Variants in GOLGA6C observed in about 807,000 individuals in gnomAD.
The protein encoded by GOLGA6C is golgin A6 family member C, also known as golgin subfamily A member 6C.
In GOLGA6C, 3 loss-of-function variants were observed where a neutral mutation model predicts 57.5. The observed-to-expected ratio is 0.05, with a 90% confidence interval of 0.02 to 0.13. The LOEUF (loss-of-function observed/expected upper bound fraction) is 0.13, where lower values mean the gene tolerates loss of function less well. GOLGA6C is among the 10% of genes least tolerant of loss of function. The pLI, the probability that GOLGA6C is intolerant of heterozygous loss-of-function variation, is 1.00. For synonymous variants in GOLGA6C, 32 were observed against 203.8 expected, an observed-to-expected ratio of 0.16 and a Z score of 7.18; for missense variants, 88 against 525.6, an observed-to-expected ratio of 0.17 and a Z score of 8.14.
Position 75,269,940 on chromosome 15 carries a change from G to C in GOLGA6C, c.1909G>C (p.Gly637Arg). ...AQNPADEPTP[G>R]APAPQELGAA... is the part of the protein sequence containing the mutation. Reference sequence around the variant, plus strand: ...GAACCCTGCTGATGAGCCCACTCCAGGGGCCCCAGCCCCCCAGGAACTTGG... The same window carrying C: ...GAACCCTGCTGATGAGCCCACTCCACGGGCCCCAGCCCCCCAGGAACTTGG... The change falls in exon 17 of 18, where the codon GGG becomes CGG. Residue 637 changes from glycine (G) to arginine (R), a missense_variant. Gly to Arg is a moderately radical substitution (Grantham distance 125, BLOSUM62 -2). Coordinates refer to ENST00000300576, the MANE Select transcript of GOLGA6C (RefSeq NM_001164404.2). 2 of 1,523,198 alleles carry C rather than the reference G, an allele frequency of 1.3e-6. No individual in the cohort carries two copies. The highest frequency in any genetic ancestry group is 1.7e-6 in the Non-Finnish European group (2 of 1,143,204). The allele number at this position is 1,523,198 out of a possible 1,614,324, so 94.4% of individuals were successfully genotyped here. A position where few individuals can be genotyped will look rare whatever the true frequency, so the allele number is the denominator to read the frequency against.
chr15:75,266,026 T>C (rs2070760634), intron 10 of GOLGA6C, 79 bp from the exon 11 acceptor site: 1 of 1,557,638 alleles, frequency 6.4e-7, no homozygotes, highest in South Asian at 1.2e-5. Context: ...CAAGAGGAGG[T>C]TTTTTTTTTT....
chr15:75,260,631 C>A lies in GOLGA6C; in HGVS notation c.204+139C>A, dbSNP rs536681730. The A allele has an allele frequency of 2.5e-5, 26 of 1,054,062 alleles. No individual in the cohort carries two copies. In the East Asian group the frequency reaches 6.7e-4, roughly 27 times the overall value. 65.3% of individuals were successfully genotyped at this position (1,054,062 alleles called of 1,614,324 possible). On this transcript the variant is annotated intron_variant, in intron 2 of 17. Coordinates refer to ENST00000300576, the MANE Select transcript of GOLGA6C (RefSeq NM_001164404.2). ...CATCTGCTAGCGATCTGATTTATGG[C>A]AAGTTGCTTGAGCTCTTTGAGCCTC...
chr15:75,260,903 C>T (rs2070734064), intron 2 of GOLGA6C, among the ~76,000 whole-genome samples: 1 of 63,894 alleles, frequency 1.6e-5, no homozygotes, highest in Non-Finnish European at 3.1e-5. Flanking sequence ...GAAGGGGGCC[C>T]AGGGTGTGGT....
At chr15:75,268,958 T>A in intron 14 of GOLGA6C, 70 bp downstream of exon 14, 1 of 771,572 alleles carries the variant, frequency 1.3e-6, no homozygotes, top group Non-Finnish European at 2.1e-6. Flanking sequence ...CGTTATGCTC[T>A]TGGTTTTCCC....
intron 1 of GOLGA6C, among the ~76,000 whole-genome samples, chr15:75,259,179 C>A (rs548743551): frequency 3.9e-5 from 6 of 152,004 alleles, no homozygotes; most frequent in Non-Finnish European, 4.4e-5. Context: ...AGCCCCACGT[C>A]CCCCCTCCCC....
intron 7 of GOLGA6C, among the ~76,000 whole-genome samples, chr15:75,264,473 T>TGTGC: frequency 7.4e-6 from 1 of 134,868 alleles, no homozygotes; most frequent in Non-Finnish European, 1.6e-5. Flanking sequence ...TGTGTGTGTG[T>TGTGC]GTGTACTATG....
intron 1 of GOLGA6C, among the ~76,000 whole-genome samples, chr15:75,259,271 T>C (rs1595969612): frequency 7.3e-6 from 1 of 137,584 alleles, no homozygotes; most frequent in East Asian, 2.2e-4. Context: ...GATGTCACAG[T>C]CCTCCTAGGA....
At position 75,273,346 on chromosome 15, in the gene GOLGA6C, A is replaced by G. The variant is rs2070800015; in HGVS notation, c.*3147A>G. Among the ~76,000 whole-genome samples the G allele has an allele frequency of 1.3e-5, 2 of 152,088 alleles. No individual in the cohort carries two copies. The highest frequency in any genetic ancestry group is 4.1e-4 in the South Asian group (2 of 4,826). ...CTTTTACCAGTTTATGAATTCTTGT[A>G]AACAGAATGTATAATAGAAATACTG... On this transcript the variant is annotated 3_prime_UTR_variant, in exon 18 of 18. Transcript: ENST00000300576.
In GOLGA6C at chr15:75,260,353, A is replaced by C. The variant is rs1595969828; in HGVS notation, c.85-20A>C. 1 of 1,600,662 alleles carries C rather than the reference A, an allele frequency of 6.2e-7. No homozygotes were observed. The highest frequency in any genetic ancestry group is 8.5e-7 in the Non-Finnish European group (1 of 1,174,402). On this transcript the variant is annotated intron_variant, in intron 1 of 17. Coordinates refer to ENST00000300576, the MANE Select transcript of GOLGA6C (RefSeq NM_001164404.2). ...AGGGCTGGTAGTTCTCATGTGTATTACTGCTCTTCTTTCCCACAGCTAAAA... is the reference window on the plus strand; with the variant it reads ...AGGGCTGGTAGTTCTCATGTGTATTCCTGCTCTTCTTTCCCACAGCTAAAA...
intron 1 of GOLGA6C, 135 bp downstream of exon 1, chr15:75,258,817 C>T (rs2070719754): frequency 3.8e-6 from 3 of 793,722 alleles, no homozygotes; most frequent in South Asian, 3.1e-5. Context: ...CCTCTGGGCT[C>T]CCCCCACCAA....
At position 75,270,313 on chromosome 15, in the gene GOLGA6C, A is replaced by G; in HGVS notation, c.*114A>G. The G allele has an allele frequency of 2.0e-6, 3 of 1,498,172 alleles. No homozygotes were observed. Among genetic ancestry groups the G allele is most frequent in the African/African-American group, 3.0e-5 (2 of 66,530 alleles). 92.8% of individuals were successfully genotyped at this position (1,498,172 alleles called of 1,614,324 possible). ...AGCTGGTCAAGAAATTTAAAACAAC[A>G]ACAACAAAAAGTTACGGGGTTCATC... On this transcript the variant is annotated 3_prime_UTR_variant, in exon 18 of 18. Transcript: ENST00000300576.
At chr15:75,260,708 A>G (rs1244837022) in intron 2 of GOLGA6C, among the ~76,000 whole-genome samples, 5 of 149,102 alleles carry the variant, frequency 3.4e-5, no homozygotes, top group Non-Finnish European at 7.4e-5. Flanking sequence ...CCATTTGTGA[A>G]GTTTAAATGA....
chr15:75,259,577 C>T (rs1230873661), intron 1 of GOLGA6C, among the ~76,000 whole-genome samples: 37 of 4,540 alleles, frequency 8.1e-3, no homozygotes, highest in African/African-American at 0.061. Context: ...TCCAGAGAGA[C>T]TTTAACATTT....
chr15:75,259,193 C>T (rs1413809329), intron 1 of GOLGA6C, among the ~76,000 whole-genome samples: 2 of 151,656 alleles, frequency 1.3e-5, no homozygotes, highest in African/African-American at 2.4e-5. Context: ...CCTCCCCCAT[C>T]GTGGATCGGC....
At position 75,273,202 on chromosome 15, in the gene GOLGA6C, T is replaced by A. The variant is rs2070798719; in HGVS notation, c.*3003T>A. Among the ~76,000 whole-genome samples, 1 of 152,142 alleles carries A rather than the reference T, an allele frequency of 6.6e-6. No individual in the cohort carries two copies. The highest frequency in any genetic ancestry group is 1.5e-5 in the Non-Finnish European group (1 of 68,056). ...GCTATCTTAATGTTTTGAAATAAGT[T>A]AAAACACTTTAAAATATGAATACTG... On this transcript the variant is annotated 3_prime_UTR_variant, in exon 18 of 18. Transcript: ENST00000300576.
chr15:75,259,047 C>T (rs1203345332), intron 1 of GOLGA6C, among the ~76,000 whole-genome samples: 233 of 150,240 alleles, frequency 1.6e-3, no homozygotes, highest in Admixed American at 0.013. Context: ...CCAGTCATCC[C>T]GGGGTGACTT....
Position 75,269,280 on chromosome 15 carries a change from G to A in GOLGA6C, c.1594-173G>A, listed in dbSNP as rs1383105905. Among the ~76,000 whole-genome samples, 6 of 145,496 alleles carry A rather than the reference G, an allele frequency of 4.1e-5. 1 individual carries two copies. The highest frequency in any genetic ancestry group is 6.0e-5 in the Non-Finnish European group (4 of 67,040). On this transcript the variant is annotated intron_variant, in intron 14 of 17. Coordinates refer to ENST00000300576, the MANE Select transcript of GOLGA6C (RefSeq NM_001164404.2). ...TGGCCTGGAAGGAGCCAGAGGCAGA[G>A]GCCCCAGCCCCAGGGAGGACTGGAG...
intron 1 of GOLGA6C, among the ~76,000 whole-genome samples, chr15:75,259,290 T>C (rs1205621359): frequency 7.9e-6 from 1 of 127,078 alleles, no homozygotes; most frequent in African/African-American, 3.6e-5. Context: ...GAACTGTCAT[T>C]ACTGCTGCAA....
chr15:75,259,028 C>A (rs2070721706), intron 1 of GOLGA6C, among the ~76,000 whole-genome samples: 1 of 149,632 alleles, frequency 6.7e-6, no homozygotes, highest in Non-Finnish European at 1.5e-5. Context: ...CCCCAACCCC[C>A]CAGCATCGCC....
Sources: allele counts gnomAD v4.1 joint callset (sites outside exome capture counted in the v4.1 genomes callset), GRCh38; gene constraint gnomAD v4.1.1; transcripts MANE v1.5; gene names NCBI Gene and HGNC (gene_info 2026-07-23, HGNC 2026-07-21).